MTMR1: variants seen among roughly 807,000 people sequenced by gnomAD.
The protein encoded by MTMR1 is phosphatidylinositol-3-phosphate phosphatase MTMR1.
MTMR1 carries 17 observed loss-of-function variants against 51.6 expected under a neutral mutation model. The ratio of observed to expected loss-of-function variants is 0.33; its 90% CI spans 0.23 to 0.49. MTMR1 has a LOEUF of 0.49. Ranked by LOEUF, MTMR1 falls within the 20% of genes least tolerant of loss-of-function variation. The probability of loss-of-function intolerance (pLI) is 0.99; values close to 1 mark genes in which losing one functional copy is unlikely to be tolerated. For synonymous variants in MTMR1, 201 were observed against 205.6 expected (o/e 0.98, Z 0.19); for missense variants, 386 against 526.9 (o/e 0.73, Z 2.62).
chrX:150,761,869 T>C (rs916858365), intron 15 of MTMR1, among the ~76,000 whole-genome samples: 4 of 112,377 alleles, frequency 3.6e-5, no homozygotes, highest in African/African-American at 1.3e-4. Flanking sequence ...ATGTCCCATA[T>C]GCCCCGGGAA....
chrX:150,735,563 G>A, intron 10 of MTMR1: 2 of 455,745 alleles, frequency 4.4e-6, no homozygotes, highest in East Asian at 7.8e-5. Context: ...CTCACCTACA[G>A]CAGGAACCTT....
At chrX:150,717,928 G>A (rs893774199) in intron 3 of MTMR1, among the ~76,000 whole-genome samples, 1 of 112,929 alleles carries the variant, frequency 8.9e-6, no homozygotes, top group Admixed American at 9.3e-5. Flanking sequence ...ACCCTGCTCC[G>A]CAGCAGGGAT....
chrX:150,758,517 G>A (rs2042973347), intron 15 of MTMR1, among the ~76,000 whole-genome samples: 1 of 111,890 alleles, frequency 8.9e-6, no homozygotes, highest in Admixed American at 9.4e-5. Flanking sequence ...TTTCTGGCCG[G>A]GCACAGTAAC....
At chrX:150,721,096 G>T (rs1557416569) in intron 4 of MTMR1, among the ~76,000 whole-genome samples, 1 of 111,790 alleles carries the variant, frequency 8.9e-6, no homozygotes, top group Non-Finnish European at 1.9e-5. Context: ...CCTGGGTTAC[G>T]TCAATTAATT....
rs782041264 is a variant in MTMR1, at chrX:150,703,492, A to C, written c.252+4192A>C. On this transcript the variant is annotated intron_variant, in intron 2 of 15. Coordinates refer to ENST00000445323, the MANE Select transcript of MTMR1 (RefSeq NM_001306144.3). ...CTTCTCTGTTCTCCTTCCCTCACCC[A>C]CACACACACAGTAGCTATATCTCTT... 2.4e-4 allele frequency among the ~76,000 whole-genome samples: 27 copies of C among 111,591 alleles called. No homozygotes were observed. In the South Asian group the frequency reaches 9.0e-3, roughly 37 times the overall value.
At chrX:150,757,796 T>G (rs1057075139) in intron 15 of MTMR1, among the ~76,000 whole-genome samples, 3 of 112,236 alleles carry the variant, frequency 2.7e-5, no homozygotes, top group Admixed American at 9.4e-5. Context: ...CTGGGACTTG[T>G]GCTGCCCTGG....
At chrX:150,712,496 GC>G in intron 3 of MTMR1, 131 bp downstream of exon 3, 3 of 606,571 alleles carry the variant, frequency 4.9e-6, no homozygotes, top group Non-Finnish European at 7.6e-6. Flanking sequence ...AATTTGCTCT[GC>G]TGTGTTATAG....
chrX:150,699,390 T>C (rs1297602909), intron 2 of MTMR1, 90 bp downstream of exon 2: 4 of 545,179 alleles, frequency 7.3e-6, no homozygotes, highest in Non-Finnish European at 8.8e-6. Context: ...GTTGGCCTTT[T>C]GATGCAACAT....
chrX:150,756,097 C>T (rs1557417756), intron 15 of MTMR1, among the ~76,000 whole-genome samples: 1 of 111,991 alleles, frequency 8.9e-6, no homozygotes, highest in African/African-American at 3.3e-5. Flanking sequence ...ACTTCTGTCT[C>T]GTACTGATGA....
At chrX:150,730,039 A>G in intron 6 of MTMR1, 70 bp from the exon 7 acceptor site, 2 of 626,840 alleles carry the variant, frequency 3.2e-6, no homozygotes, top group Non-Finnish European at 4.8e-6. Context: ...TTCCTTATTT[A>G]TGGCACGGTA....
chrX:150,754,648 A>G (rs1365460511), intron 14 of MTMR1, among the ~76,000 whole-genome samples: 1 of 112,128 alleles, frequency 8.9e-6, no homozygotes, highest in Admixed American at 9.5e-5. Context: ...TCCAGCCTGC[A>G]CCACAGCACA....
intron 1 of MTMR1, among the ~76,000 whole-genome samples, chrX:150,696,547 G>A (rs1432257166): frequency 3.6e-5 from 4 of 111,659 alleles, no homozygotes; most frequent in African/African-American, 1.3e-4. Context: ...TAACTACATT[G>A]GCCAGGATGC....
chrX:150,731,797 C>A (rs2042125486), intron 9 of MTMR1, among the ~76,000 whole-genome samples, 178 bp downstream of exon 9: 1 of 112,038 alleles, frequency 8.9e-6, no homozygotes, highest in African/African-American at 3.2e-5. Context: ...AATCTGTTTG[C>A]TATGACTCCC....
At chrX:150,703,353 C>G (rs1557415989) in intron 2 of MTMR1, among the ~76,000 whole-genome samples, 2 of 112,063 alleles carry the variant, frequency 1.8e-5, no homozygotes, top group African/African-American at 6.5e-5. Flanking sequence ...CTTGCTAGAA[C>G]ATTATTCAAT....
intron 13 of MTMR1, 127 bp downstream of exon 13, chrX:150,744,580 G>C: frequency 1.8e-6 from 1 of 545,186 alleles, no homozygotes; most frequent in Non-Finnish European, 2.9e-6. Flanking sequence ...AACACAATTT[G>C]ATTCTAATTC....
rs993252192 is a variant in MTMR1 at position 150,763,609 on chromosome X, C to T, written c.*880C>T. 7 of 113,017 alleles carry T rather than the reference C, an allele frequency of 6.2e-5. No homozygotes were observed. The highest frequency in any genetic ancestry group is 1.1e-4 in the Non-Finnish European group (6 of 53,440). The allele number at this position is 113,017 out of a possible 1,213,427, so 9.3% of individuals were successfully genotyped here. A position where few individuals can be genotyped will look rare whatever the true frequency, so the allele number is the denominator to read the frequency against. ...GCCATGTCTCCCACCCCCACTTTAC[C>T]GCAGCCAGCTGCTGGGATCAAAGCA... On this transcript the variant is annotated 3_prime_UTR_variant, in exon 16 of 16. Coordinates refer to ENST00000445323, the MANE Select transcript of MTMR1 (RefSeq NM_001306144.3).
intron 3 of MTMR1, among the ~76,000 whole-genome samples, chrX:150,716,320 G>A (rs222351): frequency 3.8e-4 from 43 of 112,807 alleles, no homozygotes. Context: ...ATAAAGCAGA[G>A]TTTCAAATTA....
intron 15 of MTMR1, among the ~76,000 whole-genome samples, chrX:150,760,863 G>A: frequency 9.2e-6 from 1 of 108,475 alleles, no homozygotes; most frequent in Non-Finnish European, 1.9e-5. Flanking sequence ...GGAGGCGGAG[G>A]TTGCAGTGAG....
At chrX:150,717,091 G>A (rs1295246357) in intron 3 of MTMR1, among the ~76,000 whole-genome samples, 1 of 111,036 alleles carries the variant, frequency 9.0e-6, no homozygotes, top group Non-Finnish European at 1.9e-5. Context: ...CGGGCGCGGT[G>A]GCTCACGCCT....
Sources: allele counts gnomAD v4.1 joint callset (sites outside exome capture counted in the v4.1 genomes callset), GRCh38; gene constraint gnomAD v4.1.1; transcripts MANE v1.5; gene names NCBI Gene and HGNC (gene_info 2026-07-23, HGNC 2026-07-21).